The following RASSF4 variants were observed in gnomAD, a reference collection of about 807,000 sequenced individuals.
RASSF4 encodes the protein Ras association domain family member 4.
Under a neutral mutation model 41.1 loss-of-function variants are expected in RASSF4, and 38 were observed. The observed-to-expected ratio is 0.92, with a 90% confidence interval of 0.71 to 1.21. The LOEUF (loss-of-function observed/expected upper bound fraction) is 1.21, where lower values mean the gene tolerates loss of function less well. Among genes scored for constraint, RASSF4 ranks in the 50% most tolerant of loss-of-function variants. The pLI is 0.00. For missense variants in RASSF4, 414 were observed against 419.4 expected (o/e 0.99, Z 0.11); for synonymous variants, 179 against 163.4 (o/e 1.10, Z -0.73).
chr10:44,984,158 G>T, intron 5 of RASSF4, 45 bp downstream of exon 5: 4 of 1,532,764 alleles, frequency 2.6e-6, no homozygotes, highest in Non-Finnish European at 2.6e-6. Context: ...CTCATCCGGG[G>T]TAGGAGCAGA....
At chr10:44,967,183 A>G (rs1840933645) in intron 1 of RASSF4, among the ~76,000 whole-genome samples, 1 of 152,170 alleles carries the variant, frequency 6.6e-6, no homozygotes, top group African/African-American at 2.4e-5. Context: ...ACAGTCACTC[A>G]GGGACCCAGG....
chr10:44,961,733 G>C (rs2132757741), intron 1 of RASSF4, among the ~76,000 whole-genome samples: 1 of 152,352 alleles, frequency 6.6e-6, no homozygotes, highest in East Asian at 1.9e-4. Context: ...AATTGATGAG[G>C]AGCCCAAGGT....
At position 44,970,180 on chromosome 10, in the gene RASSF4, T is replaced by G. The variant is rs763249903; in HGVS notation, c.-23T>G. On this transcript the variant is annotated 5_prime_UTR_variant, in exon 2 of 11. Coordinates refer to ENST00000340258, the MANE Select transcript of RASSF4 (RefSeq NM_032023.4). The stretch of plus-strand genomic sequence containing the variant: ...GTCTTCCCAGCAAGTAACTTCTAGG[T>G]CTGCAGACAAGAGGAAGAGAAGATG... The G allele has an allele frequency of 1.7e-5, 28 of 1,609,670 alleles. No individual in the cohort carries two copies. Among genetic ancestry groups the G allele is most frequent in the Non-Finnish European group, 2.2e-5 (26 of 1,176,018 alleles).
chr10:44,986,576 G>C (rs1162289287), intron 6 of RASSF4, among the ~76,000 whole-genome samples: 2 of 152,212 alleles, frequency 1.3e-5, no homozygotes, highest in African/African-American at 4.8e-5. Flanking sequence ...CAAGGACACA[G>C]AATAGTGTCT....
intron 10 of RASSF4, 45 bp downstream of exon 10, chr10:44,992,047 G>C: frequency 7.7e-7 from 1 of 1,298,028 alleles, no homozygotes; most frequent in Non-Finnish European, 1.1e-6. Context: ...GAACATCAGG[G>C]CAGGTCTGCA....
In RASSF4 at chr10:44,987,161, G is replaced by A. The variant is rs180890907; in HGVS notation, c.532-2113G>A. ...CACTCTGTAGCCAGGCTGGAGTGCAGTGGCACGATCTGGGCTCACTGCAAC... is the reference window on the plus strand; with the variant it reads ...CACTCTGTAGCCAGGCTGGAGTGCAATGGCACGATCTGGGCTCACTGCAAC... On this transcript the variant is annotated intron_variant, in intron 6 of 10. Transcript: ENST00000340258. 8.5e-5 allele frequency among the ~76,000 whole-genome samples: 13 copies of A among 152,294 alleles called. No homozygotes were observed. In the East Asian group the frequency reaches 2.5e-3, roughly 29 times the overall value.
chr10:44,977,793 C>T (rs1306320871), intron 3 of RASSF4: 7 of 1,601,596 alleles, frequency 4.4e-6, no homozygotes, highest in Non-Finnish European at 5.1e-6. Flanking sequence ...CGCAGGGACA[C>T]AGCAGGGCGG....
At chr10:44,962,648 G>A (rs1840748858) in intron 1 of RASSF4, among the ~76,000 whole-genome samples, 2 of 152,132 alleles carry the variant, frequency 1.3e-5, no homozygotes, top group African/African-American at 2.4e-5. Context: ...CCAGGCAATC[G>A]GGATATTGGA....
At chr10:44,977,663 G>C in intron 3 of RASSF4, 2 of 1,613,048 alleles carry the variant, frequency 1.2e-6, no homozygotes, top group Non-Finnish European at 1.7e-6. Context: ...AGTCCTCCTT[G>C]GCAGGTCCCT....
intron 9 of RASSF4, among the ~76,000 whole-genome samples, chr10:44,991,598 C>A (rs1842115568): frequency 6.6e-6 from 1 of 152,216 alleles, no homozygotes; most frequent in South Asian, 2.1e-4. Context: ...AACAATGGTG[C>A]TCCCACCTCC....
chr10:44,977,908 C>T (rs1322203164), intron 3 of RASSF4: 10 of 1,612,620 alleles, frequency 6.2e-6, no homozygotes, highest in Non-Finnish European at 8.5e-6. Flanking sequence ...ATATAGACCT[C>T]ACGTAGTCAT....
At chr10:44,986,162 G>A (rs1409082999) in intron 6 of RASSF4, among the ~76,000 whole-genome samples, 1 of 152,144 alleles carries the variant, frequency 6.6e-6, no homozygotes, top group East Asian at 1.9e-4. Context: ...GTATTTTCCA[G>A]TTCTATGTTC....
chr10:44,963,133 C>T lies in RASSF4; in HGVS notation c.-39+3267C>T, dbSNP rs117737824. Among the ~76,000 whole-genome samples the T allele has an allele frequency of 8.1e-3, 1,226 of 152,182 alleles. 7 individuals carry two copies. Among genetic ancestry groups the T allele is most frequent in the Non-Finnish European group, 0.012 (801 of 68,002 alleles). On this transcript the variant is annotated intron_variant, in intron 1 of 10. Transcript: ENST00000340258. Reference sequence around the variant, plus strand: ...CTGTGCCCGCCTCTCCTGGACTCCCCTGGTCTCCATCACCTCCACCTGGAC... The same window carrying T: ...CTGTGCCCGCCTCTCCTGGACTCCCTTGGTCTCCATCACCTCCACCTGGAC...
chr10:44,989,490 G>A, intron 7 of RASSF4, 115 bp downstream of exon 7: 1 of 944,518 alleles, frequency 1.1e-6, no homozygotes. Flanking sequence ...AGAAGGTCTA[G>A]CAAGGGTCCC....
At chr10:44,972,473 A>T (rs991150363) in intron 3 of RASSF4, among the ~76,000 whole-genome samples, 11 of 152,252 alleles carry the variant, frequency 7.2e-5, no homozygotes, top group Non-Finnish European at 2.9e-5. Context: ...TCAGAAGAGG[A>T]TAGATTATCT....
In RASSF4 at chr10:44,969,486, G is replaced by T. The variant is rs576000297; in HGVS notation, c.-38-679G>T. ...TAAGTCACTGCCCGTGATCAATATA[G>T]AGAAGGTACTAAGAGACCAGAATCA... On this transcript the variant is annotated intron_variant, in intron 1 of 10. Transcript: ENST00000340258. Among the ~76,000 whole-genome samples, 8 of 152,320 alleles carry T rather than the reference G, an allele frequency of 5.3e-5. No homozygotes were observed. In the East Asian group the frequency reaches 1.5e-3, roughly 29 times the overall value.
chr10:44,989,603 G>C, intron 7 of RASSF4, 67 bp from the exon 8 acceptor site: 1 of 1,446,244 alleles, frequency 6.9e-7, no homozygotes, highest in Non-Finnish European at 9.7e-7. Context: ...GTTACTGTCA[G>C]GGGACCCTCT....
At chr10:44,985,327 A>T (rs1417573914) in intron 6 of RASSF4, among the ~76,000 whole-genome samples, 1 of 152,184 alleles carries the variant, frequency 6.6e-6, no homozygotes, top group Non-Finnish European at 1.5e-5. Flanking sequence ...CTCACCGAAT[A>T]ATTAAGCAGG....
intron 2 of RASSF4, 165 bp from the exon 3 acceptor site, chr10:44,971,608 G>A (rs778589586): frequency 1.4e-6 from 1 of 716,788 alleles, no homozygotes; most frequent in South Asian, 1.5e-5. Context: ...AACCATCCGG[G>A]TGCATTGCGA....
Sources: gnomAD v4.1 joint callset for allele counts (sites outside exome capture counted in the v4.1 genomes callset) on GRCh38, gnomAD v4.1.1 for gene constraint, MANE v1.5 for transcripts, NCBI Gene and HGNC (gene_info 2026-07-23, HGNC 2026-07-21) for gene names.